DBF4B: variants seen among roughly 807,000 people sequenced by gnomAD.
DBF4B encodes DBF4B-CDC7 kinase regulatory subunit.
In DBF4B, 49 loss-of-function variants were observed where a neutral mutation model predicts 53.4. The ratio of observed to expected loss-of-function variants is 0.92; its 90% CI spans 0.73 to 1.16. The LOEUF (loss-of-function observed/expected upper bound fraction) is 1.16. Among genes scored for constraint, DBF4B ranks in the 50% most tolerant of loss-of-function variants. The pLI is 0.00. For synonymous variants in DBF4B, 257 were observed against 288.7 expected, an observed-to-expected ratio of 0.89 and a Z score of 1.11; for missense variants, 692 against 775.0, an observed-to-expected ratio of 0.89 and a Z score of 1.27.
At chr17:44,712,181 C>T (rs1217283866) in intron 2 of DBF4B, among the ~76,000 whole-genome samples, 5 of 151,912 alleles carry the variant, frequency 3.3e-5, no homozygotes, top group Non-Finnish European at 5.9e-5. Flanking sequence ...CTGTCTGATT[C>T]CCACTTCCTA....
At chr17:44,724,470 C>T (rs1172257792) in intron 3 of DBF4B, among the ~76,000 whole-genome samples, 2 of 152,136 alleles carry the variant, frequency 1.3e-5, no homozygotes, top group East Asian at 3.9e-4. Flanking sequence ...CTCTGCCTCA[C>T]GGGTTCATGC....
In DBF4B at chr17:44,741,487, G is replaced by A; in HGVS notation, c.830+35G>A. ...TCTGGTTCCTGAGTACCAAGGGCTGGTTACAGGCCAAAGTCCTCCCCATCG... is the reference window on the plus strand; with the variant it reads ...TCTGGTTCCTGAGTACCAAGGGCTGATTACAGGCCAAAGTCCTCCCCATCG... On this transcript the variant is annotated intron_variant, in intron 10 of 13. Transcript: ENST00000315005. The A allele has an allele frequency of 2.1e-6, 3 of 1,444,982 alleles. No individual in the cohort carries two copies. In the Admixed American group the frequency reaches 5.9e-5, roughly 29 times the overall value. 89.5% of individuals were successfully genotyped at this position (1,444,982 alleles called of 1,614,324 possible). A position where few individuals can be genotyped will look rare whatever the true frequency, so the allele number is the denominator to read the frequency against.
At chr17:44,713,347 AT>A (rs1973063803) in intron 2 of DBF4B, among the ~76,000 whole-genome samples, 1 of 149,750 alleles carries the variant, frequency 6.7e-6, no homozygotes, top group East Asian at 2.0e-4. Flanking sequence ...CGCCGACATT[AT>A]TTTCATTATG....
At chr17:44,719,423 C>T (rs950582689) in intron 2 of DBF4B, among the ~76,000 whole-genome samples, 1 of 152,076 alleles carries the variant, frequency 6.6e-6, no homozygotes, top group Non-Finnish European at 1.5e-5. Flanking sequence ...AAAAGAATAC[C>T]CATTAGCAGC....
chr17:44,720,150 G>T (rs78499376), intron 2 of DBF4B: 17,022 of 326,384 alleles, frequency 0.052, 613 homozygotes, highest in Non-Finnish European at 0.071. Context: ...CAGTGGTGAT[G>T]ATCAGAATCG....
chr17:44,730,240 T>C (rs1295839720), intron 4 of DBF4B, 144 bp downstream of exon 4: 2 of 972,910 alleles, frequency 2.1e-6, no homozygotes, highest in Non-Finnish European at 3.0e-6. Flanking sequence ...TATTTTATCA[T>C]AGCTCTGGAT....
chr17:44,718,803 G>A (rs1973566178), intron 2 of DBF4B: 1 of 151,544 alleles, frequency 6.6e-6, no homozygotes, highest in Non-Finnish European at 1.5e-5. Context: ...AATTTAAATT[G>A]TTTTTCTTTT....
At chr17:44,716,468 C>T (rs771186510) in intron 2 of DBF4B, among the ~76,000 whole-genome samples, 11 of 152,148 alleles carry the variant, frequency 7.2e-5, no homozygotes, top group Non-Finnish European at 1.3e-4. Context: ...TCTTTGCTTT[C>T]ACCTGTGCCC....
intron 9 of DBF4B, among the ~76,000 whole-genome samples, chr17:44,739,982 C>G (rs1287318955): frequency 6.6e-6 from 1 of 152,188 alleles, no homozygotes; most frequent in African/African-American, 2.4e-5. Flanking sequence ...CCTGGCTGAT[C>G]ACAAACTGGC....
intron 3 of DBF4B, among the ~76,000 whole-genome samples, chr17:44,729,677 TACACATACAC>T (rs758180282): frequency 1.3e-4 from 13 of 100,480 alleles, no homozygotes; most frequent in African/African-American, 3.9e-4. Context: ...AAACCTGTAA[TACACATACAC>T]ACACACACAC....
At chr17:44,718,067 A>G (rs1973484712) in intron 2 of DBF4B, among the ~76,000 whole-genome samples, 1 of 152,002 alleles carries the variant, frequency 6.6e-6, no homozygotes, top group African/African-American at 2.4e-5. Flanking sequence ...TAATGTTGAT[A>G]TTATTAACTA....
Position 44,734,124 on chromosome 17 carries a change from G to C in DBF4B, c.591G>C (p.Ala197=). The part of the protein sequence containing the change: ...MMMHVQQLSL[A]SLCVKKQQPK... ...TGCACGTGCAACAGCTGTCTCTTGC[G>C]TCTTTATGTGTGAAAAAACAACAGC... Residue 197 remains alanine, a synonymous_variant, in exon 7 of 14, where the codon GCG becomes GCC. Coordinates refer to ENST00000315005, the MANE Select transcript of DBF4B (RefSeq NM_145663.3). The C allele has an allele frequency of 6.2e-7, 1 of 1,614,138 alleles. No homozygotes were observed. Among genetic ancestry groups the C allele is most frequent in the Non-Finnish European group, 8.5e-7 (1 of 1,180,020 alleles).
intron 2 of DBF4B, chr17:44,718,729 G>A (rs1332114368): frequency 6.6e-6 from 1 of 151,958 alleles, no homozygotes; most frequent in Non-Finnish European, 1.5e-5. Flanking sequence ...AAAAGTTACT[G>A]TTTTACCTTC....
chr17:44,734,979 C>T, intron 7 of DBF4B, among the ~76,000 whole-genome samples: 1 of 152,188 alleles, frequency 6.6e-6, no homozygotes, highest in East Asian at 1.9e-4. Flanking sequence ...TGGCACATGC[C>T]TGTAATCCCA....
In DBF4B at chr17:44,736,973, C is replaced by T. The variant is rs1284696261; in HGVS notation, c.667+107C>T. On this transcript the variant is annotated intron_variant, in intron 8 of 13. Coordinates refer to ENST00000315005, the MANE Select transcript of DBF4B (RefSeq NM_145663.3). Reference sequence around the variant, plus strand: ...CTGCTCACTTTTCTGTGGCAGCAAGCGAGTCCAGGTTATCTTGCCCCTTTG... The same window carrying T: ...CTGCTCACTTTTCTGTGGCAGCAAGTGAGTCCAGGTTATCTTGCCCCTTTG... The T allele has an allele frequency of 1.0e-5, 14 of 1,336,496 alleles. 1 individual carries two copies. The Middle Eastern group carries it at 5.5e-4, about 52-fold the overall frequency. The allele number at this position is 1,336,496 out of a possible 1,614,324, so 82.8% of individuals were successfully genotyped here.
intron 10 of DBF4B, among the ~76,000 whole-genome samples, chr17:44,741,934 T>C (rs1256909578): frequency 6.6e-6 from 1 of 152,030 alleles, no homozygotes; most frequent in African/African-American, 2.4e-5. Flanking sequence ...CAGAGTCCCC[T>C]GGGGTCTCTT....
chr17:44,721,216 T>TCCCCCCCC (rs11441095), intron 2 of DBF4B, among the ~76,000 whole-genome samples: 1 of 118,036 alleles, frequency 8.5e-6, no homozygotes, highest in African/African-American at 3.8e-5. Flanking sequence ...AACTAATTCT[T>TCCCCCCCC]CCCCCCCCCT....
intron 8 of DBF4B, among the ~76,000 whole-genome samples, chr17:44,737,706 G>C (rs1364858662): frequency 6.6e-6 from 1 of 152,156 alleles, no homozygotes; most frequent in East Asian, 1.9e-4. Context: ...TAAGCTATGC[G>C]AATAACTATC....
chr17:44,747,652 A>G, intron 12 of DBF4B, 137 bp downstream of exon 12: 1 of 1,223,458 alleles, frequency 8.2e-7, no homozygotes, highest in Non-Finnish European at 1.1e-6. Flanking sequence ...CTTTCCCCTT[A>G]TCCTCAGTCC....
Sources: gnomAD v4.1 joint callset for allele counts (sites outside exome capture counted in the v4.1 genomes callset) on GRCh38, gnomAD v4.1.1 for gene constraint, MANE v1.5 for transcripts, NCBI Gene and HGNC (gene_info 2026-07-23, HGNC 2026-07-21) for gene names.